The following PUS7 variants were observed in gnomAD, a reference collection of about 807,000 sequenced individuals.
PUS7 encodes the protein pseudouridylate synthase 7 homolog.
Under a neutral mutation model 79.8 loss-of-function variants are expected in PUS7, and 48 were observed. The observed-to-expected ratio is 0.60, with a 90% CI of 0.48 to 0.76. The LOEUF is 0.76. Ranked by LOEUF, PUS7 falls within the 30% of genes least tolerant of loss-of-function variation. The pLI is 0.00. For missense variants in PUS7, 729 were observed against 797.6 expected, an observed-to-expected ratio of 0.91 and a Z score of 1.04; for synonymous variants, 286 against 272.2, an observed-to-expected ratio of 1.05 and a Z score of -0.50.
chr7:105,506,383 T>A (rs2133244850), intron 2 of PUS7, 110 bp from the exon 3 acceptor site: 2 of 764,244 alleles, frequency 2.6e-6, no homozygotes, highest in Non-Finnish European at 4.2e-6. Context: ...CAAGGAATTT[T>A]AAAAAATCTT....
At chr7:105,518,389 C>G (rs546336346) in intron 1 of PUS7, among the ~76,000 whole-genome samples, 1 of 150,132 alleles carries the variant, frequency 6.7e-6, no homozygotes, top group South Asian at 2.1e-4. Flanking sequence ...ACACTAACAA[C>G]AGTCTCTTGT....
chr7:105,507,999 A>G lies in PUS7; in HGVS notation c.398+116T>C, dbSNP rs900258424. 1.1e-5 allele frequency: 14 copies of G among 1,324,744 alleles called. No individual in the cohort carries two copies. In the African/African-American group the frequency reaches 1.9e-4, roughly 18 times the overall value. 82.1% of individuals were successfully genotyped at this position (1,324,744 alleles called of 1,614,324 possible). On this transcript the variant is annotated intron_variant, in intron 2 of 15. Coordinates refer to ENST00000469408, the MANE Select transcript of PUS7 (RefSeq NM_019042.5). ...TTCCTTCATCCTATTCCTTTTGATC[A>G]GTAGTATAAACAAGCCTTGGAGATG...
In PUS7 at chr7:105,462,743, T is replaced by G. The variant is rs1823484987; in HGVS notation, c.1635A>C (p.Glu545Asp). 1.2e-6 allele frequency: 2 copies of G among 1,609,430 alleles called. No homozygotes were observed. Among genetic ancestry groups the G allele is most frequent in the Non-Finnish European group, 1.7e-6 (2 of 1,178,976 alleles). ...DVIYPKHKIQEAYREMLTADN... is the reference protein window; with the variant it reads ...DVIYPKHKIQDAYREMLTADN... The stretch of plus-strand genomic sequence containing the variant: ...CAGCTGTGAGCATTTCCCTGTAGGC[T>G]TCTTGAACTAATATAAAATACAAAA... The change falls in exon 14 of 16, where the codon GAA (glutamate) becomes GAC (aspartate). Residue 545 changes from glutamate (E) to aspartate (D), a missense_variant. Coordinates refer to ENST00000469408, the MANE Select transcript of PUS7 (RefSeq NM_019042.5).
chr7:105,501,299 C>T (rs1201088701), intron 5 of PUS7, among the ~76,000 whole-genome samples: 1 of 151,980 alleles, frequency 6.6e-6, no homozygotes, highest in Non-Finnish European at 1.5e-5. Flanking sequence ...AATAAATGTT[C>T]ATTAATACAG....
chr7:105,462,043 T>C (rs1265711249), intron 14 of PUS7, among the ~76,000 whole-genome samples: 1 of 134,748 alleles, frequency 7.4e-6, no homozygotes, highest in Non-Finnish European at 1.6e-5. Flanking sequence ...CCTGCCTCTA[T>C]TAAGAAAAAA....
chr7:105,512,764 C>G (rs1347825533), intron 1 of PUS7, among the ~76,000 whole-genome samples: 1 of 152,084 alleles, frequency 6.6e-6, no homozygotes, highest in East Asian at 1.9e-4. Context: ...CTGTGGCACC[C>G]CTTTGAAGAG....
At position 105,482,362 on chromosome 7, in the gene PUS7, GT is replaced by G; in HGVS notation, c.998del (p.Asn333ThrfsTer3). ...CTTGAAGCTCTCCCAATTTCAGTGG[GT>G]TTTTTTGATAGCTGAAATTCCCTAG... ...FKLGNFSYQK[N>X]PLKLGELQGN... On this transcript the variant is annotated frameshift_variant, in exon 8 of 16. Coordinates refer to ENST00000469408, the MANE Select transcript of PUS7 (RefSeq NM_019042.5). LOFTEE classifies it high-confidence loss of function. The G allele has an allele frequency of 6.2e-7, 1 of 1,612,020 alleles. No individual in the cohort carries two copies. Among genetic ancestry groups the G allele is most frequent in the African/African-American group, 1.3e-5 (1 of 74,710 alleles).
At chr7:105,507,007 C>T (rs1234651454) in intron 2 of PUS7, among the ~76,000 whole-genome samples, 1 of 152,038 alleles carries the variant, frequency 6.6e-6, no homozygotes, top group African/African-American at 2.4e-5. Flanking sequence ...CCTCAACAAC[C>T]CCAATGTGGT....
chr7:105,508,042 A>C, intron 2 of PUS7, 73 bp downstream of exon 2: 22 of 1,468,580 alleles, frequency 1.5e-5, no homozygotes, highest in Admixed American at 2.5e-5. Flanking sequence ...AAGTGGAAGA[A>C]TATAAAGCTA....
At chr7:105,499,863 A>G (rs1161802833) in intron 5 of PUS7, among the ~76,000 whole-genome samples, 1 of 152,258 alleles carries the variant, frequency 6.6e-6, no homozygotes, top group Non-Finnish European at 1.5e-5. Flanking sequence ...AAATCATTCA[A>G]ATGCTAGGCA....
chr7:105,457,993 T>C, intron 15 of PUS7, 67 bp from the exon 16 acceptor site: 2 of 1,557,614 alleles, frequency 1.3e-6, no homozygotes, highest in Non-Finnish European at 1.7e-6. Flanking sequence ...GAGAGTCACA[T>C]AATCTCTAAG....
chr7:105,516,578 T>C (rs2133294123), intron 1 of PUS7, among the ~76,000 whole-genome samples: 1 of 152,052 alleles, frequency 6.6e-6, no homozygotes, highest in Non-Finnish European at 1.5e-5. Flanking sequence ...CTCAGCTTCC[T>C]GAGTAGCTGG....
At chr7:105,465,553 C>T (rs760471359) in intron 12 of PUS7, 139 bp from the exon 13 acceptor site, 4 of 659,830 alleles carry the variant, frequency 6.1e-6, no homozygotes, top group Non-Finnish European at 9.9e-6. Flanking sequence ...TTAAATTATG[C>T]CAGGTGCGGT....
rs1206992348 is a variant in PUS7, at chr7:105,505,967, A to G, written c.573T>C (p.Ser191=). Reference sequence around the variant, plus strand: ...TTGCATTAGTTACCTCAATGGCAACACTGGTTTCCTTATTTTTGAACAGCT... The same window carrying G: ...TTGCATTAGTTACCTCAATGGCAACGCTGGTTTCCTTATTTTTGAACAGCT... ...ELQLFKNKET[S]VAIEVIEDTK... Residue 191 remains serine, a synonymous_variant, in exon 4 of 16, where the codon AGT becomes AGC. Transcript: ENST00000469408. 13 of 1,610,718 alleles carry G rather than the reference A, an allele frequency of 8.1e-6. No individual in the cohort carries two copies. The highest frequency in any genetic ancestry group is 1.1e-5 in the Non-Finnish European group (13 of 1,178,904).
intron 9 of PUS7, among the ~76,000 whole-genome samples, chr7:105,475,459 A>G (rs1824065230): frequency 6.6e-6 from 1 of 151,874 alleles, no homozygotes; most frequent in African/African-American, 2.4e-5. Flanking sequence ...TGCTGGGATT[A>G]CAGGCGTCAG....
chr7:105,469,565 T>C (rs1823791745), intron 11 of PUS7, among the ~76,000 whole-genome samples: 1 of 152,170 alleles, frequency 6.6e-6, no homozygotes, highest in Non-Finnish European at 1.5e-5. Context: ...GTTCAAGCGA[T>C]TCTCCTGCCT....
rs116482672 is a variant in PUS7, at chr7:105,457,595, T to G, written c.*195A>C. On this transcript the variant is annotated 3_prime_UTR_variant, in exon 16 of 16. Transcript: ENST00000469408. Reference sequence around the variant, plus strand: ...ACTAATTTATATTCTGAGCTAAAATTAAGAACCTCAGGATTTGTGTACATG... The same window carrying G: ...ACTAATTTATATTCTGAGCTAAAATGAAGAACCTCAGGATTTGTGTACATG... 679 of 427,490 alleles carry G rather than the reference T, an allele frequency of 1.6e-3. 7 individuals are homozygous for G. The highest frequency in any genetic ancestry group is 0.012 in the African/African-American group (583 of 49,006). The allele number at this position is 427,490 out of a possible 1,614,324, so 26.5% of individuals were successfully genotyped here. A position where few individuals can be genotyped will look rare whatever the true frequency, so the allele number is the denominator to read the frequency against.
At position 105,484,545 on chromosome 7, in the gene PUS7, G is replaced by A. The variant is rs1484750148; in HGVS notation, c.921-2105C>T. Among the ~76,000 whole-genome samples the A allele has an allele frequency of 2.7e-5, 4 of 150,920 alleles. No homozygotes were observed. The South Asian group carries it at 6.3e-4, about 24-fold the overall frequency. ...AAAAAAAATAGCTCTGGGACCGGGC[G>A]CGGTGCTTCATGCCTGTAATCCCAG... On this transcript the variant is annotated intron_variant, in intron 7 of 15. Transcript: ENST00000469408.
At chr7:105,521,030 AT>A (rs1826087504) in intron 1 of PUS7, among the ~76,000 whole-genome samples, 1 of 152,196 alleles carries the variant, frequency 6.6e-6, no homozygotes, top group African/African-American at 2.4e-5. Context: ...AAAAATAAAA[AT>A]AAAAAAACCA....
Sources: gnomAD v4.1 joint callset for allele counts (sites outside exome capture counted in the v4.1 genomes callset) on GRCh38, gnomAD v4.1.1 for gene constraint, MANE v1.5 for transcripts, NCBI Gene and HGNC (gene_info 2026-07-23, HGNC 2026-07-21) for gene names.